The following LRRTM4 variants were observed in gnomAD, a reference collection of about 807,000 sequenced individuals.
LRRTM4 encodes the protein leucine-rich repeat transmembrane neuronal protein 4.
LRRTM4 carries 25 observed loss-of-function variants against 47.6 expected under a neutral mutation model. That is an observed-to-expected ratio of 0.53 (90% CI 0.38 to 0.73). LRRTM4 has a LOEUF of 0.73. Among genes scored for constraint, LRRTM4 ranks in the 30% least tolerant of loss-of-function variants. LRRTM4 has a pLI of 0.00. For synonymous variants in LRRTM4, 311 were observed against 269.5 expected (o/e 1.15, Z -1.51); for missense variants, 638 against 713.4 (o/e 0.89, Z 1.20).
intron 3 of LRRTM4, among the ~76,000 whole-genome samples, chr2:77,121,453 T>C (rs1033902763): frequency 6.6e-6 from 1 of 151,874 alleles, no homozygotes; most frequent in Admixed American, 6.6e-5. Flanking sequence ...ATATTAATTG[T>C]TATGCTTCAC....
chr2:77,119,304 C>T (rs1176494668), intron 3 of LRRTM4, among the ~76,000 whole-genome samples: 4 of 151,700 alleles, frequency 2.6e-5, no homozygotes, highest in Non-Finnish European at 4.4e-5. Context: ...GCTTCATTGA[C>T]GTTGATTTAT....
At chr2:77,140,198 G>A (rs1672080270) in intron 3 of LRRTM4, among the ~76,000 whole-genome samples, 1 of 152,218 alleles carries the variant, frequency 6.6e-6, no homozygotes, top group Non-Finnish European at 1.5e-5. Flanking sequence ...CAAAGCTGGA[G>A]GCATCATGCT....
intron 3 of LRRTM4, among the ~76,000 whole-genome samples, chr2:77,482,192 A>T: frequency 7.0e-6 from 1 of 143,756 alleles, no homozygotes; most frequent in South Asian, 2.3e-4. Context: ...GATTCTCACT[A>T]ATTTGAAGTT....
chr2:76,969,520 A>G (rs1394532903), intron 3 of LRRTM4, among the ~76,000 whole-genome samples: 3 of 152,016 alleles, frequency 2.0e-5, no homozygotes, highest in East Asian at 2.0e-4. Flanking sequence ...CTAAAAACCT[A>G]TTATTGGAAC....
chr2:77,090,878 C>T (rs377206617), intron 3 of LRRTM4, among the ~76,000 whole-genome samples: 1 of 152,140 alleles, frequency 6.6e-6, no homozygotes, highest in African/African-American at 2.4e-5. Context: ...GCCCCCTAGA[C>T]CATCACGGAC....
chr2:77,344,521 G>C (rs1671490691), intron 3 of LRRTM4, among the ~76,000 whole-genome samples: 1 of 151,444 alleles, frequency 6.6e-6, no homozygotes, highest in African/African-American at 2.4e-5. Flanking sequence ...AAAAGATCAG[G>C]GGAAAATGAA....
chr2:77,036,662 T>C (rs768509158), intron 3 of LRRTM4, among the ~76,000 whole-genome samples: 1 of 151,886 alleles, frequency 6.6e-6, no homozygotes, highest in East Asian at 1.9e-4. Flanking sequence ...TGTAGTCTCC[T>C]AAGCACTCAA....
At chr2:76,918,076 C>G (rs946622034) in intron 3 of LRRTM4, among the ~76,000 whole-genome samples, 8 of 152,164 alleles carry the variant, frequency 5.3e-5, no homozygotes, top group African/African-American at 1.9e-4. Context: ...GTAGTAGTTG[C>G]TTTTCCAGTA....
At chr2:77,424,465 T>C (rs1469942157) in intron 3 of LRRTM4, among the ~76,000 whole-genome samples, 1 of 152,160 alleles carries the variant, frequency 6.6e-6, no homozygotes, top group African/African-American at 2.4e-5. Context: ...CCGGGTAAAC[T>C]CTTCAGTTTT....
chr2:77,130,659 C>T (rs1269956935), intron 3 of LRRTM4, among the ~76,000 whole-genome samples: 4 of 149,784 alleles, frequency 2.7e-5, no homozygotes, highest in East Asian at 2.0e-4. Context: ...CTACAGGCGC[C>T]GGCCACCACT....
At chr2:77,323,571 G>A in intron 3 of LRRTM4, among the ~76,000 whole-genome samples, 1 of 152,086 alleles carries the variant, frequency 6.6e-6, no homozygotes, top group Middle Eastern at 3.2e-3. Context: ...TATTATTTAA[G>A]TAATTTCTGG....
chr2:76,975,934 A>G (rs1398175666), intron 3 of LRRTM4, among the ~76,000 whole-genome samples: 2 of 151,872 alleles, frequency 1.3e-5, no homozygotes, highest in Admixed American at 6.6e-5. Context: ...CTAATGAAAT[A>G]AATAGATTGC....
intron 3 of LRRTM4, among the ~76,000 whole-genome samples, chr2:77,169,211 C>T (rs915653874): frequency 2.0e-5 from 3 of 152,042 alleles, no homozygotes; most frequent in Non-Finnish European, 4.4e-5. Flanking sequence ...ATAGTACTGG[C>T]AGTCCTAGCC....
chr2:77,422,707 A>T (rs138307746), intron 3 of LRRTM4, among the ~76,000 whole-genome samples: 37 of 152,258 alleles, frequency 2.4e-4, no homozygotes, highest in African/African-American at 8.7e-4. Flanking sequence ...TTATTTTTTT[A>T]AAAGCATTCT....
intron 3 of LRRTM4, among the ~76,000 whole-genome samples, chr2:77,379,849 C>T (rs1203558461): frequency 2.0e-5 from 3 of 151,994 alleles, no homozygotes; most frequent in South Asian, 4.1e-4. Context: ...CAGAAATCTG[C>T]TCTCAGTCTC....
intron 3 of LRRTM4, among the ~76,000 whole-genome samples, chr2:76,932,447 C>T (rs1674801873): frequency 6.6e-6 from 1 of 151,984 alleles, no homozygotes; most frequent in East Asian, 1.9e-4. Context: ...CCCCTATCTT[C>T]ATCACAGGAG....
rs1306003395 is a variant in LRRTM4, at chr2:77,428,333, G to A, written c.1551+89985C>T. ...GTCCAATAACCACATCAACAGTAGA[G>A]ACAGGATATATTAACACACACAAAA... On this transcript the variant is annotated intron_variant, in intron 3 of 3. Coordinates refer to ENST00000409884, the MANE Select transcript of LRRTM4 (RefSeq NM_001134745.3). 2.0e-5 allele frequency among the ~76,000 whole-genome samples: 3 copies of A among 152,258 alleles called. No individual in the cohort carries two copies. The East Asian group carries it at 5.8e-4, about 29-fold the overall frequency.
chr2:77,219,744 T>G (rs1196056229), intron 3 of LRRTM4, among the ~76,000 whole-genome samples: 2 of 152,146 alleles, frequency 1.3e-5, no homozygotes, highest in Non-Finnish European at 2.9e-5. Flanking sequence ...GGGAGGTCAC[T>G]TTGGTGGCAA....
chr2:77,254,755 G>C (rs1312796727), intron 3 of LRRTM4, among the ~76,000 whole-genome samples: 7 of 151,830 alleles, frequency 4.6e-5, no homozygotes, highest in African/African-American at 1.7e-4. Flanking sequence ...GTCATGCATA[G>C]AGAAAATACT....
Sources: gnomAD v4.1 joint callset for allele counts (sites outside exome capture counted in the v4.1 genomes callset) on GRCh38, gnomAD v4.1.1 for gene constraint, MANE v1.5 for transcripts, NCBI Gene and HGNC (gene_info 2026-07-23, HGNC 2026-07-21) for gene names.